The following ZDHHC11B variants were observed in gnomAD, a reference collection of about 807,000 sequenced individuals.
The protein encoded by ZDHHC11B is zDHHC palmitoyltransferase 11B (putative).
ZDHHC11B carries 17 observed loss-of-function variants against 42.3 expected under a neutral mutation model. That is an observed-to-expected ratio of 0.40 (90% CI 0.27 to 0.60). The LOEUF is 0.60. Among genes scored for constraint, ZDHHC11B ranks in the 20% least tolerant of loss-of-function variants. The pLI is 0.41. For synonymous variants in ZDHHC11B, 123 were observed against 193.5 expected (o/e 0.64, Z 3.02); for missense variants, 262 against 463.2 (o/e 0.57, Z 3.99).
intron 12 of ZDHHC11B, among the ~76,000 whole-genome samples, chr5:718,747 T>C (rs1368010057): frequency 2.6e-5 from 4 of 151,424 alleles, no homozygotes; most frequent in Non-Finnish European, 5.9e-5. Flanking sequence ...CTGCTGGTCT[T>C]TCGTGAATGG....
intron 6 of ZDHHC11B, among the ~76,000 whole-genome samples, chr5:754,178 A>G (rs1746194825): frequency 8.9e-6 from 1 of 112,502 alleles, no homozygotes; most frequent in Non-Finnish European, 1.8e-5. Context: ...CTCAGGGGAA[A>G]CATCTCTCGT....
At chr5:771,700 A>G (rs1736065992) in intron 1 of ZDHHC11B, among the ~76,000 whole-genome samples, 1 of 151,742 alleles carries the variant, frequency 6.6e-6, no homozygotes, top group Non-Finnish European at 1.5e-5. Flanking sequence ...CAGCTGAGAA[A>G]TTACCAGAAG....
At chr5:778,595 A>T (rs427335) in intron 1 of ZDHHC11B, among the ~76,000 whole-genome samples, 16 of 150,746 alleles carry the variant, frequency 1.1e-4, no homozygotes, top group Admixed American at 2.6e-4. Flanking sequence ...CTTGGGGCTC[A>T]GGGTCCAGGG....
intron 10 of ZDHHC11B, among the ~76,000 whole-genome samples, chr5:738,019 CT>C (rs1278917801): frequency 1.9e-5 from 2 of 105,386 alleles, no homozygotes; most frequent in East Asian, 6.3e-4. Flanking sequence ...TCCCTGTTCA[CT>C]GATGATATGG....
At chr5:715,528 C>CTTT (rs1741684273) in intron 13 of ZDHHC11B, among the ~76,000 whole-genome samples, 1 of 151,002 alleles carries the variant, frequency 6.6e-6, no homozygotes, top group Non-Finnish European at 1.5e-5. Flanking sequence ...AATTTTGCAA[C>CTTT]TTCATGGTCA....
chr5:714,329 C>T (rs1356673674), intron 13 of ZDHHC11B, among the ~76,000 whole-genome samples: 1 of 143,126 alleles, frequency 7.0e-6, no homozygotes, highest in Non-Finnish European at 1.5e-5. Flanking sequence ...ACTCTCCTAG[C>T]CACCATCCTT....
intron 12 of ZDHHC11B, among the ~76,000 whole-genome samples, chr5:721,723 T>TGGGGAAGGCAC (rs1742201753): frequency 6.6e-6 from 1 of 151,568 alleles, no homozygotes; most frequent in African/African-American, 2.4e-5. Flanking sequence ...GTGGGAGAAT[T>TGGGGAAGGCAC]GGGGAAGGCA....
chr5:756,392 C>T (rs1733840296), intron 4 of ZDHHC11B, among the ~76,000 whole-genome samples: 1 of 151,682 alleles, frequency 6.6e-6, no homozygotes, highest in Non-Finnish European at 1.5e-5. Flanking sequence ...GTCCACTCGG[C>T]CCTGCACACA....
intron 1 of ZDHHC11B, among the ~76,000 whole-genome samples, chr5:778,901 C>T (rs1260875): frequency 0.26 from 36,565 of 139,080 alleles, 2,397 homozygotes; most frequent in African/African-American, 0.5. Context: ...GGATGAGATT[C>T]AGCTATGGGG....
In ZDHHC11B at chr5:732,172, G is replaced by A. The variant is rs188331552; in HGVS notation, c.1023+1580C>T. Reference sequence around the variant, plus strand: ...CGGACTTGGGTGTCAGTGAAGTCACGCTCATTTTCAGACGGAATTCTCCTC... The same window carrying A: ...CGGACTTGGGTGTCAGTGAAGTCACACTCATTTTCAGACGGAATTCTCCTC... On this transcript the variant is annotated intron_variant, in intron 11 of 13. Transcript: ENST00000508859. 1.7e-4 allele frequency: 27 copies of A among 157,834 alleles called. No individual in the cohort carries two copies. In the East Asian group the frequency reaches 2.3e-3, roughly 13 times the overall value. 9.8% of individuals were successfully genotyped at this position (157,834 alleles called of 1,614,324 possible).
At position 766,992 on chromosome 5, in the gene ZDHHC11B, A is replaced by G. The variant is rs1270426892; in HGVS notation, c.1-73T>C. 6 of 1,521,688 alleles carry G rather than the reference A, an allele frequency of 3.9e-6. No homozygotes were observed. In the South Asian group the frequency reaches 7.1e-5, roughly 18 times the overall value. The allele number at this position is 1,521,688 out of a possible 1,614,324, so 94.3% of individuals were successfully genotyped here. A position where few individuals can be genotyped will look rare whatever the true frequency, so the allele number is the denominator to read the frequency against. ...GCCGGCCCCACCCACTGTCAGGGAG[A>G]CCACGGGGACTGGGAACATGGCCCC... On this transcript the variant is annotated intron_variant, in intron 3 of 13. Coordinates refer to ENST00000508859, the MANE Select transcript of ZDHHC11B (RefSeq NM_001351303.2).
intron 1 of ZDHHC11B, among the ~76,000 whole-genome samples, chr5:778,789 C>T (rs536443374): frequency 0.029 from 4,412 of 151,164 alleles, 21 homozygotes; most frequent in African/African-American, 0.098. Context: ...GAAGAGAAGA[C>T]ACAGAGAGAA....
chr5:777,103 C>T (rs1361525740), intron 1 of ZDHHC11B, among the ~76,000 whole-genome samples: 1 of 151,928 alleles, frequency 6.6e-6, no homozygotes, highest in Non-Finnish European at 1.5e-5. Context: ...GTGAGTGTCA[C>T]AGTTCTTAAA....
At chr5:728,427 T>C (rs1742754793) in intron 12 of ZDHHC11B, among the ~76,000 whole-genome samples, 1 of 151,890 alleles carries the variant, frequency 6.6e-6, no homozygotes. Context: ...AGGTGCTTCT[T>C]GCAATTTTGT....
chr5:770,555 C>T (rs571557946), intron 1 of ZDHHC11B, among the ~76,000 whole-genome samples: 3 of 151,160 alleles, frequency 2.0e-5, no homozygotes, highest in South Asian at 2.1e-4. Flanking sequence ...GAGGACACCT[C>T]GGGATCACGC....
At chr5:773,694 C>A (rs1433066467) in intron 1 of ZDHHC11B, among the ~76,000 whole-genome samples, 1 of 151,862 alleles carries the variant, frequency 6.6e-6, no homozygotes, top group Admixed American at 6.6e-5. Context: ...ACAGCACATG[C>A]CCCTTCCCTG....
rs373163821 is a variant in ZDHHC11B at position 724,151 on chromosome 5, G to A, written c.1058+6283C>T. Among the ~76,000 whole-genome samples, 5 of 151,664 alleles carry A rather than the reference G, an allele frequency of 3.3e-5. 1 individual carries two copies. Among genetic ancestry groups the A allele is most frequent in the African/African-American group, 9.7e-5 (4 of 41,126 alleles). ...CCCCACTTCCAGGCTCCCTCACTCA[G>A]TTCCCCTTGGACGTCTGCATGTGTC... On this transcript the variant is annotated intron_variant, in intron 12 of 13. Coordinates refer to ENST00000508859, the MANE Select transcript of ZDHHC11B (RefSeq NM_001351303.2).
At chr5:766,461 C>T (rs1329630567) in intron 4 of ZDHHC11B, among the ~76,000 whole-genome samples, 30 of 151,848 alleles carry the variant, frequency 2.0e-4, no homozygotes, top group Admixed American at 1.4e-3. Context: ...GTCCACCCGA[C>T]GATGGGCCAC....
chr5:732,449 T>G, intron 11 of ZDHHC11B: 1 of 321,518 alleles, frequency 3.1e-6, no homozygotes, highest in Non-Finnish European at 6.2e-6. Flanking sequence ...GTGTGCCACA[T>G]GCAGTGAGGG....
Sources: allele counts gnomAD v4.1 joint callset (sites outside exome capture counted in the v4.1 genomes callset), GRCh38; gene constraint gnomAD v4.1.1; transcripts MANE v1.5; gene names NCBI Gene and HGNC (gene_info 2026-07-23, HGNC 2026-07-21).